Variants in PCED1B observed in about 807,000 individuals in gnomAD.
PCED1B encodes the protein PC-esterase domain-containing protein 1B.
For synonymous variants in PCED1B, 251 were observed against 246.1 expected (o/e 1.02, Z -0.19); for missense variants, 573 against 573.9 (o/e 1.00, Z 0.02).
chr12:47,156,199 C>A (rs1210522290), intron 2 of PCED1B, among the ~76,000 whole-genome samples: 1 of 152,096 alleles, frequency 6.6e-6, no homozygotes, highest in Admixed American at 6.6e-5. Flanking sequence ...TAGCCAAGAA[C>A]AAAATTTTAA....
intron 2 of PCED1B, among the ~76,000 whole-genome samples, chr12:47,163,927 C>T (rs1941465478): frequency 1.3e-5 from 2 of 152,106 alleles, no homozygotes; most frequent in African/African-American, 4.8e-5. Flanking sequence ...GGAAGCAAAA[C>T]CCTCTACTGT....
chr12:47,230,724 G>C (rs553132857), intron 3 of PCED1B, among the ~76,000 whole-genome samples: 1 of 152,284 alleles, frequency 6.6e-6, no homozygotes, highest in African/African-American at 2.4e-5. Context: ...TTACAGGCGT[G>C]AGCCTCCTCG....
intron 2 of PCED1B, among the ~76,000 whole-genome samples, chr12:47,212,908 T>G (rs1943136940): frequency 6.6e-6 from 1 of 152,344 alleles, no homozygotes; most frequent in South Asian, 2.1e-4. Context: ...CTTTTCTGCC[T>G]GCAAAGGCCA....
chr12:47,165,219 T>G (rs1157870232), intron 2 of PCED1B, among the ~76,000 whole-genome samples: 1 of 152,226 alleles, frequency 6.6e-6, no homozygotes, highest in African/African-American at 2.4e-5. Flanking sequence ...CAGCATGCAG[T>G]ATAGAACAAA....
At chr12:47,232,621 A>G (rs900892353) in intron 3 of PCED1B, among the ~76,000 whole-genome samples, 1 of 149,424 alleles carries the variant, frequency 6.7e-6, no homozygotes, top group African/African-American at 2.4e-5. Context: ...TGTTCCTCCC[A>G]TTTGCAATCT....
At chr12:47,217,478 A>AAAAGAAAGAAAGAG (rs1565607963) in intron 3 of PCED1B, among the ~76,000 whole-genome samples, 10 of 112,240 alleles carry the variant, frequency 8.9e-5, no homozygotes, top group African/African-American at 3.4e-4. Flanking sequence ...AAGAGAAAGA[A>AAAAGAAAGAAAGAG]AGAAAGAAAG....
intron 1 of PCED1B, among the ~76,000 whole-genome samples, chr12:47,089,461 C>CATGTGTATATATATATATATAT (rs1233280547): frequency 7.9e-5 from 5 of 63,398 alleles, no homozygotes; most frequent in Non-Finnish European, 1.2e-4. Context: ...AAAAAAAATA[C>CATGTGTATATATATATATATAT]ATATATATAT....
At chr12:47,218,233 T>TCAGTGCCCCTA (rs1272671646) in intron 3 of PCED1B, among the ~76,000 whole-genome samples, 1 of 152,224 alleles carries the variant, frequency 6.6e-6, no homozygotes, top group African/African-American at 2.4e-5. Context: ...GGTCCGTTGT[T>TCAGTGCCCCTA]GGCACTGAAG....
At chr12:47,195,379 C>T (rs1433444475) in intron 2 of PCED1B, among the ~76,000 whole-genome samples, 1 of 151,616 alleles carries the variant, frequency 6.6e-6, no homozygotes, top group African/African-American at 2.4e-5. Flanking sequence ...CAGCTAATGT[C>T]TCGAGGGAGA....
At chr12:47,144,323 G>T (rs1306782057) in intron 2 of PCED1B, among the ~76,000 whole-genome samples, 1 of 152,134 alleles carries the variant, frequency 6.6e-6, no homozygotes, top group African/African-American at 2.4e-5. Context: ...CCCTCCTAGA[G>T]CTCTGGTCCT....
intron 2 of PCED1B, among the ~76,000 whole-genome samples, chr12:47,180,968 A>C (rs1164244058): frequency 1.3e-5 from 2 of 149,964 alleles, no homozygotes; most frequent in African/African-American, 4.9e-5. Flanking sequence ...CTGGTTAGTG[A>C]AGGTATTTTC....
chr12:47,080,867 C>A (rs1937671015), intron 1 of PCED1B, among the ~76,000 whole-genome samples: 1 of 152,036 alleles, frequency 6.6e-6, no homozygotes, highest in South Asian at 2.1e-4. Context: ...TCTCTGTCCC[C>A]GCCACCTCCC....
chr12:47,222,116 T>TAA (rs63691461), intron 3 of PCED1B, among the ~76,000 whole-genome samples: 5 of 119,030 alleles, frequency 4.2e-5, no homozygotes, highest in Non-Finnish European at 6.8e-5. Flanking sequence ...AAAAAAAAAT[T>TAA]AAAAAAAAAA....
At chr12:47,155,854 C>T (rs543979156) in intron 2 of PCED1B, among the ~76,000 whole-genome samples, 5 of 152,242 alleles carry the variant, frequency 3.3e-5, no homozygotes, top group Admixed American at 6.5e-5. Context: ...AAACAAGTTC[C>T]CACCCATCAC....
At chr12:47,178,816 G>A (rs1942005936) in intron 2 of PCED1B, among the ~76,000 whole-genome samples, 1 of 145,994 alleles carries the variant, frequency 6.8e-6, no homozygotes, top group East Asian at 2.1e-4. Flanking sequence ...GCAGTGAGCC[G>A]TGATCACGCC....
At chr12:47,181,770 A>G (rs1565586885) in intron 2 of PCED1B, among the ~76,000 whole-genome samples, 1 of 150,638 alleles carries the variant, frequency 6.6e-6, no homozygotes. Context: ...CCTCTACTGA[A>G]AAAAAAAAAG....
At chr12:47,172,993 G>A (rs1406022679) in intron 2 of PCED1B, among the ~76,000 whole-genome samples, 1 of 152,160 alleles carries the variant, frequency 6.6e-6, no homozygotes, top group East Asian at 1.9e-4. Context: ...AAAAGGCAAT[G>A]GGGAAGACAG....
chr12:47,223,543 T>G (rs1228763995), intron 3 of PCED1B: 4 of 152,142 alleles, frequency 2.6e-5, no homozygotes, highest in Non-Finnish European at 5.9e-5. Flanking sequence ...AACTAGAATG[T>G]GTTTAATGCT....
intron 2 of PCED1B, among the ~76,000 whole-genome samples, chr12:47,120,103 C>T (rs1939613512): frequency 6.6e-6 from 1 of 152,070 alleles, no homozygotes; most frequent in Non-Finnish European, 1.5e-5. Context: ...CGTTATTAGT[C>T]ATCAGAGAAA....
Sources: allele counts gnomAD v4.1 joint callset (sites outside exome capture counted in the v4.1 genomes callset), GRCh38; gene constraint gnomAD v4.1.1; transcripts MANE v1.5; gene names NCBI Gene and HGNC (gene_info 2026-07-23, HGNC 2026-07-21).